The following ACYP2 variants were observed in gnomAD, a reference collection of about 807,000 sequenced individuals.
The protein encoded by ACYP2 is acylphosphatase-2.
A neutral mutation model predicts 11.2 loss-of-function variants in ACYP2; 12 were observed. The ratio of observed to expected loss-of-function variants is 1.08; its 90% confidence interval spans 0.69 to 1.74. The LOEUF (loss-of-function observed/expected upper bound fraction) is 1.74. ACYP2 is among the 40% of genes most tolerant of loss of function. The pLI, the probability that ACYP2 is intolerant of heterozygous loss-of-function variation, is 0.00. For synonymous variants in ACYP2, 43 were observed against 32.2 expected, an observed-to-expected ratio of 1.33 and a Z score of -1.13; for missense variants, 134 against 101.9, an observed-to-expected ratio of 1.31 and a Z score of -1.35.
chr2:54,071,265 C>T (rs766780449), intron 4 of ACYP2, among the ~76,000 whole-genome samples: 1 of 152,106 alleles, frequency 6.6e-6, no homozygotes, highest in Non-Finnish European at 1.5e-5. Flanking sequence ...CTATTCAACA[C>T]TGCACTACAG....
chr2:54,156,571 C>T (rs1000349606), intron 6 of ACYP2, among the ~76,000 whole-genome samples: 4 of 152,194 alleles, frequency 2.6e-5, no homozygotes, highest in African/African-American at 7.2e-5. Flanking sequence ...GGTCCATCCA[C>T]GTCCCTGCAA....
intron 6 of ACYP2, among the ~76,000 whole-genome samples, chr2:54,153,836 G>A (rs374796354): frequency 1.3e-5 from 2 of 152,006 alleles, no homozygotes; most frequent in African/African-American, 2.4e-5. Flanking sequence ...TCCTGACCTC[G>A]TGATCTGCCT....
At chr2:54,293,702 A>G (rs1298692080) in intron 6 of ACYP2, among the ~76,000 whole-genome samples, 1 of 152,220 alleles carries the variant, frequency 6.6e-6, no homozygotes, top group Non-Finnish European at 1.5e-5. Flanking sequence ...AATCCTTTCA[A>G]TAGCTCAGTG....
intron 2 of ACYP2, among the ~76,000 whole-genome samples, chr2:53,981,429 A>C (rs957553965): frequency 6.6e-6 from 1 of 152,190 alleles, no homozygotes; most frequent in Non-Finnish European, 1.5e-5. Context: ...ATGTAAGTGA[A>C]GTAGTGGCCC....
intron 6 of ACYP2, among the ~76,000 whole-genome samples, chr2:54,240,968 T>C (rs1384563473): frequency 1.3e-5 from 2 of 152,216 alleles, no homozygotes; most frequent in South Asian, 4.1e-4. Context: ...TGAGGTTTTC[T>C]ACCACTTTAT....
At chr2:54,090,808 T>C (rs901118144) in intron 4 of ACYP2, among the ~76,000 whole-genome samples, 1 of 152,204 alleles carries the variant, frequency 6.6e-6, no homozygotes, top group South Asian at 2.1e-4. Flanking sequence ...TGTATCATTG[T>C]CCTGGGCCAC....
chr2:54,045,296 G>C (rs1046935887), intron 2 of ACYP2, among the ~76,000 whole-genome samples: 1 of 152,142 alleles, frequency 6.6e-6, no homozygotes. Flanking sequence ...TGGGGAGATG[G>C]ATTTGAGGGT....
chr2:54,264,906 G>T (rs1687947481), intron 6 of ACYP2, among the ~76,000 whole-genome samples: 1 of 152,134 alleles, frequency 6.6e-6, no homozygotes, highest in African/African-American at 2.4e-5. Context: ...TTATTCTCAG[G>T]AAAGGAATTT....
chr2:54,135,360 A>G, intron 4 of ACYP2, 93 bp from the exon 2 acceptor site: 1 of 1,175,736 alleles, frequency 8.5e-7, no homozygotes, highest in South Asian at 1.4e-5. Flanking sequence ...CCAAGGATAA[A>G]TGGGGACCAC....
chr2:54,109,610 T>A (rs1293439302), intron 4 of ACYP2, among the ~76,000 whole-genome samples: 1 of 152,178 alleles, frequency 6.6e-6, no homozygotes, highest in Admixed American at 6.5e-5. Context: ...TATACTGAAA[T>A]GGTGAATCTG....
chr2:54,224,529 G>A (rs1685927774), intron 6 of ACYP2, among the ~76,000 whole-genome samples: 1 of 152,214 alleles, frequency 6.6e-6, no homozygotes, highest in Non-Finnish European at 1.5e-5. Flanking sequence ...AGGTGGGCAT[G>A]ACAGTGTAGA....
At chr2:54,209,377 T>C (rs1685230147) in intron 6 of ACYP2, among the ~76,000 whole-genome samples, 1 of 152,222 alleles carries the variant, frequency 6.6e-6, no homozygotes, top group Admixed American at 6.5e-5. Context: ...CTAGAATTGT[T>C]TCTTATTCAG....
chr2:53,987,756 G>A (rs1441965829), intron 2 of ACYP2, among the ~76,000 whole-genome samples: 4 of 152,082 alleles, frequency 2.6e-5, no homozygotes, highest in African/African-American at 9.7e-5. Context: ...ATGCTTTTAT[G>A]TGCTTATTTA....
chr2:54,026,397 A>G (rs1674287802), intron 2 of ACYP2, among the ~76,000 whole-genome samples: 1 of 152,078 alleles, frequency 6.6e-6, no homozygotes, highest in Admixed American at 6.6e-5. Flanking sequence ...TAATTAAAAA[A>G]TAAAAAAAAA....
intron 4 of ACYP2, among the ~76,000 whole-genome samples, chr2:54,092,212 A>C (rs1678272865): frequency 6.6e-6 from 1 of 152,200 alleles, no homozygotes; most frequent in Non-Finnish European, 1.5e-5. Flanking sequence ...GAACAATGGA[A>C]TAGAGCTGTC....
At chr2:54,247,557 T>G (rs1394207058) in intron 6 of ACYP2, among the ~76,000 whole-genome samples, 1 of 152,190 alleles carries the variant, frequency 6.6e-6, no homozygotes, top group African/African-American at 2.4e-5. Flanking sequence ...TATTCAGATT[T>G]CAAAAGAAAT....
intron 4 of ACYP2, among the ~76,000 whole-genome samples, chr2:54,098,110 G>A (rs1419391517): frequency 6.6e-6 from 1 of 151,552 alleles, no homozygotes; most frequent in Non-Finnish European, 1.5e-5. Flanking sequence ...TTATAGGCAC[G>A]TGCTATCATG....
chr2:54,075,275 A>T (rs1313797519), intron 4 of ACYP2, among the ~76,000 whole-genome samples: 1 of 152,100 alleles, frequency 6.6e-6, no homozygotes, highest in Non-Finnish European at 1.5e-5. Context: ...TAGGAGGGTA[A>T]ATCGCTTCAG....
chr2:54,147,051 C>A (rs752887330), intron 6 of ACYP2, among the ~76,000 whole-genome samples: 1 of 152,150 alleles, frequency 6.6e-6, no homozygotes, highest in Non-Finnish European at 1.5e-5. Flanking sequence ...CAGCCTCAGC[C>A]TCCCAAAGTG....
Sources: allele counts gnomAD v4.1 joint callset (sites outside exome capture counted in the v4.1 genomes callset), GRCh38; gene constraint gnomAD v4.1.1; transcripts MANE v1.5; gene names NCBI Gene and HGNC (gene_info 2026-07-23, HGNC 2026-07-21).